FGF12: variants seen among roughly 807,000 people sequenced by gnomAD.
FGF12 encodes the protein fibroblast growth factor 12.
In FGF12, 14 loss-of-function variants were observed where a neutral mutation model predicts 23.6. The observed-to-expected ratio is 0.59, with a 90% CI of 0.39 to 0.93. The LOEUF (loss-of-function observed/expected upper bound fraction) is 0.93, where lower values mean the gene tolerates loss of function less well. FGF12 is among the 40% of genes least tolerant of loss of function. The pLI, the probability that FGF12 is intolerant of heterozygous loss-of-function variation, is 0.00. For synonymous variants in FGF12, 62 were observed against 77.3 expected (o/e 0.80, Z 1.04); for missense variants, 175 against 217.8 (o/e 0.80, Z 1.24).
At chr3:192,463,049 G>A (rs1328077395) in intron 2 of FGF12, among the ~76,000 whole-genome samples, 1 of 152,122 alleles carries the variant, frequency 6.6e-6, no homozygotes, top group Non-Finnish European at 1.5e-5. Context: ...CAGGTATAGA[G>A]GAGGGAAAAT....
At chr3:192,335,060 A>G (rs899043496) in intron 4 of FGF12, among the ~76,000 whole-genome samples, 5 of 152,148 alleles carry the variant, frequency 3.3e-5, no homozygotes, top group Admixed American at 6.6e-5. Context: ...AGAAAAGAAA[A>G]ATGTCTTGCT....
chr3:192,155,386 C>T (rs1425584369), intron 5 of FGF12, among the ~76,000 whole-genome samples: 3 of 152,180 alleles, frequency 2.0e-5, no homozygotes, highest in Non-Finnish European at 2.9e-5. Context: ...ATCACAATTT[C>T]GTAGGAATAA....
chr3:192,705,951 C>T (rs1236443788), intron 2 of FGF12, among the ~76,000 whole-genome samples: 2 of 152,130 alleles, frequency 1.3e-5, no homozygotes, highest in African/African-American at 4.8e-5. Flanking sequence ...TGAAGGAAAA[C>T]AAACAAATTT....
intron 4 of FGF12, among the ~76,000 whole-genome samples, chr3:192,264,195 T>C (rs1483600804): frequency 6.6e-6 from 1 of 152,048 alleles, no homozygotes; most frequent in Non-Finnish European, 1.5e-5. Flanking sequence ...ATATAGCACA[T>C]CCAGAAATCT....
At chr3:192,541,810 C>T (rs1438115777) in intron 2 of FGF12, among the ~76,000 whole-genome samples, 1 of 152,032 alleles carries the variant, frequency 6.6e-6, no homozygotes, top group African/African-American at 2.4e-5. Context: ...TTTTAGGATA[C>T]AAGTTTTTCT....
At position 192,318,965 on chromosome 3, in the gene FGF12, AAAAAC is replaced by A. The variant is rs537373153; in HGVS notation, c.228+16391_228+16395del. On this transcript the variant is annotated intron_variant, in intron 4 of 5. Transcript: ENST00000445105. Reference sequence around the variant, plus strand: ...GACATATTTAAAGTCCTGAAGGGGGAAAAACAAAACAAAACAAAACAAAACAAAAC... The same window carrying A: ...GACATATTTAAAGTCCTGAAGGGGGAAAAACAAAACAAAACAAAACAAAAC... 7.1e-3 allele frequency among the ~76,000 whole-genome samples: 1,082 copies of A among 152,122 alleles called. 6 individuals are homozygous for A. The highest frequency in any genetic ancestry group is 0.012 in the Non-Finnish European group (799 of 67,988).
At chr3:192,538,192 C>G (rs1725277776) in intron 2 of FGF12, among the ~76,000 whole-genome samples, 1 of 152,086 alleles carries the variant, frequency 6.6e-6, no homozygotes, top group African/African-American at 2.4e-5. Flanking sequence ...AGGTGATCCG[C>G]CCGCCTCGGC....
chr3:192,658,785 T>C (rs1284704082), intron 2 of FGF12, among the ~76,000 whole-genome samples: 1 of 151,648 alleles, frequency 6.6e-6, no homozygotes. Context: ...CATTAGAAGC[T>C]GAAGACAGAG....
chr3:192,387,204 C>T (rs918473371), intron 2 of FGF12, among the ~76,000 whole-genome samples: 15 of 152,108 alleles, frequency 9.9e-5, no homozygotes, highest in African/African-American at 3.4e-4. Flanking sequence ...TGGGAACACC[C>T]TACTGAGGAG....
chr3:192,556,952 C>A (rs2108590829), intron 2 of FGF12, among the ~76,000 whole-genome samples: 1 of 151,764 alleles, frequency 6.6e-6, no homozygotes, highest in Non-Finnish European at 1.5e-5. Context: ...GAATGATAAA[C>A]AACGAATGAG....
At chr3:192,289,279 T>C (rs1235372323) in intron 4 of FGF12, among the ~76,000 whole-genome samples, 2 of 152,164 alleles carry the variant, frequency 1.3e-5, no homozygotes, top group Admixed American at 6.6e-5. Context: ...CCTGGTCTCA[T>C]GGAACTTACA....
At chr3:192,570,327 G>A (rs919761161) in intron 2 of FGF12, among the ~76,000 whole-genome samples, 1 of 152,140 alleles carries the variant, frequency 6.6e-6, no homozygotes, top group Non-Finnish European at 1.5e-5. Flanking sequence ...TTAGGCATAT[G>A]TATGTTAAAC....
intron 4 of FGF12, among the ~76,000 whole-genome samples, chr3:192,208,743 A>G (rs762063129): frequency 3.9e-5 from 6 of 152,206 alleles, no homozygotes; most frequent in Admixed American, 6.5e-5. Context: ...TCTTTGACCT[A>G]TCTTTACTGG....
intron 4 of FGF12, among the ~76,000 whole-genome samples, chr3:192,249,075 G>T (rs1187057057): frequency 6.6e-6 from 1 of 152,090 alleles, no homozygotes; most frequent in African/African-American, 2.4e-5. Context: ...AATGAAGATG[G>T]TAGCGAGTTT....
intron 4 of FGF12, among the ~76,000 whole-genome samples, chr3:192,301,837 G>A (rs1715364083): frequency 6.6e-6 from 1 of 152,094 alleles, no homozygotes; most frequent in Admixed American, 6.6e-5. Context: ...GTCAGGTAAG[G>A]AAGGGAGCAG....
At chr3:192,353,295 A>G (rs1718307334) in intron 3 of FGF12, among the ~76,000 whole-genome samples, 1 of 145,994 alleles carries the variant, frequency 6.8e-6, no homozygotes, top group South Asian at 2.3e-4. Flanking sequence ...TCACAGAGTA[A>G]ATAAGAAAGA....
intron 4 of FGF12, among the ~76,000 whole-genome samples, chr3:192,210,692 T>C (rs1036867174): frequency 1.3e-5 from 2 of 152,076 alleles, no homozygotes; most frequent in Non-Finnish European, 2.9e-5. Flanking sequence ...TAGCAAGGAA[T>C]AGAGATAAAA....
chr3:192,220,651 C>T (rs1718421533), intron 4 of FGF12, among the ~76,000 whole-genome samples: 1 of 152,124 alleles, frequency 6.6e-6, no homozygotes, highest in Non-Finnish European at 1.5e-5. Flanking sequence ...CAGTTACGAA[C>T]TATCATCCAT....
intron 2 of FGF12, among the ~76,000 whole-genome samples, chr3:192,625,882 AT>A (rs896682269): frequency 2.0e-5 from 3 of 152,192 alleles, no homozygotes; most frequent in Admixed American, 2.0e-4. Flanking sequence ...ATGAACTGCA[AT>A]TTTTCCCAAG....
Sources: allele counts gnomAD v4.1 joint callset (sites outside exome capture counted in the v4.1 genomes callset), GRCh38; gene constraint gnomAD v4.1.1; transcripts MANE v1.5; gene names NCBI Gene and HGNC (gene_info 2026-07-23, HGNC 2026-07-21).